The following TRPM2 variants were observed in gnomAD, a reference collection of about 807,000 sequenced individuals.
TRPM2 encodes the protein estrogen-responsive element-associated gene 1 protein.
Under a neutral mutation model 174.0 loss-of-function variants are expected in TRPM2, and 161 were observed. That is an observed-to-expected ratio of 0.93 (90% CI 0.81 to 1.05). TRPM2 has a LOEUF of 1.05. Ranked by LOEUF, TRPM2 falls within the 50% of genes least tolerant of loss-of-function variation. TRPM2 has a pLI of 0.00. For synonymous variants in TRPM2, 954 were observed against 861.3 expected (o/e 1.11, Z -1.88); for missense variants, 2,057 against 2,038.0 (o/e 1.01, Z -0.18).
intron 26 of TRPM2, 42 bp downstream of exon 26, chr21:44,426,778 C>T (rs775932354): frequency 3.1e-6 from 5 of 1,604,602 alleles, no homozygotes; most frequent in Admixed American, 3.3e-5. Flanking sequence ...TGGCCCCAAA[C>T]CCAGGGCCTC....
At chr21:44,381,735 C>T (rs1340557718) in intron 8 of TRPM2, among the ~76,000 whole-genome samples, 1 of 151,998 alleles carries the variant, frequency 6.6e-6, no homozygotes, top group African/African-American at 2.4e-5. Context: ...GGTGAAACCA[C>T]ATCTGTACTA....
intron 19 of TRPM2, among the ~76,000 whole-genome samples, chr21:44,410,505 GCGTAGACTTGTAGTAAGTTT>G (rs2050070909): frequency 4.5e-5 from 3 of 66,084 alleles, no homozygotes; most frequent in African/African-American, 4.2e-5. Flanking sequence ...CACTGTCTTG[GCGTAGACTTGTAGTAAGTTT>G]TGACCGCACT....
chr21:44,413,724 T>C (rs1342766073), intron 19 of TRPM2, among the ~76,000 whole-genome samples, 167 bp from the exon 20 acceptor site: 3 of 152,164 alleles, frequency 2.0e-5, no homozygotes, highest in African/African-American at 7.2e-5. Context: ...CAGATGCCTC[T>C]TTCTGGACTT....
In TRPM2 at chr21:44,425,792, C is replaced by G; in HGVS notation, c.3760C>G (p.Arg1254Gly). The change falls in exon 25 of 32, where the codon CGC becomes GGC. Residue 1254 changes from arginine (R) to glycine (G), a missense_variant. Physicochemically the swap from Arg to Gly is moderately radical, Grantham distance 125. Transcript: ENST00000397928. ...CCTCTACCCCAACTGCCCTGTCACG[C>G]GCTTCCCCGTGCCCAACGAGAAGGT... ...HLLYPNCPVT[R>G]FPVPNEKVPW... is the part of the protein sequence containing the mutation. 1.3e-6 allele frequency: 2 copies of G among 1,586,156 alleles called. No homozygotes were observed. The highest frequency in any genetic ancestry group is 1.7e-6 in the Non-Finnish European group (2 of 1,159,674).
rs765143616 is a variant in TRPM2, at chr21:44,413,820, C to T, written c.2963-71C>T. The stretch of plus-strand genomic sequence containing the variant: ...TGGCAGTGACTGGAGGCCTCGAGGG[C>T]CCCCTCCTGCCAAGCTCCTCTTGAC... On this transcript the variant is annotated intron_variant, in intron 19 of 31. Transcript: ENST00000397928. The T allele has an allele frequency of 4.5e-6, 7 of 1,539,572 alleles. No homozygotes were observed. In the South Asian group the frequency reaches 8.4e-5, roughly 19 times the overall value.
At chr21:44,426,849 A>G (rs1174662388) in intron 26 of TRPM2, 113 bp downstream of exon 26, 8 of 1,439,954 alleles carry the variant, frequency 5.6e-6, no homozygotes, top group Non-Finnish European at 7.7e-6. Context: ...GGTGAGCAGG[A>G]GGGGCCCGTG....
intron 13 of TRPM2, among the ~76,000 whole-genome samples, chr21:44,398,143 G>A (rs951278785): frequency 1.3e-5 from 2 of 152,080 alleles, no homozygotes; most frequent in African/African-American, 4.8e-5. Context: ...TTCACACAGA[G>A]CCGGCTGAAT....
chr21:44,412,564 C>T (rs907074390), intron 19 of TRPM2, among the ~76,000 whole-genome samples: 2 of 151,850 alleles, frequency 1.3e-5, no homozygotes, highest in East Asian at 1.9e-4. Flanking sequence ...GGTTTGTTGA[C>T]ATTCATTGTT....
chr21:44,433,434 C>T (rs948747285), intron 27 of TRPM2, among the ~76,000 whole-genome samples: 4 of 152,236 alleles, frequency 2.6e-5, no homozygotes, highest in African/African-American at 9.6e-5. Context: ...TGCAGCTCTG[C>T]CCAGTGCCGA....
intron 24 of TRPM2, chr21:44,425,162 C>G (rs1223873402): frequency 7.3e-6 from 4 of 547,266 alleles, no homozygotes; most frequent in Non-Finnish European, 9.8e-6. Context: ...GGTTCCTGGA[C>G]GTCCACGGGG....
At chr21:44,360,568 CTTTTT>C (rs34605236) in intron 2 of TRPM2, among the ~76,000 whole-genome samples, 1 of 130,560 alleles carries the variant, frequency 7.7e-6, no homozygotes. Flanking sequence ...AGTTTTATGT[CTTTTT>C]TTTTTTTTTT....
chr21:44,359,329 A>C (rs957400476), intron 2 of TRPM2, among the ~76,000 whole-genome samples: 1 of 152,082 alleles, frequency 6.6e-6, no homozygotes, highest in Non-Finnish European at 1.5e-5. Flanking sequence ...AGCTGGCTTC[A>C]CCTCTCAACA....
chr21:44,400,225 G>T (rs2049569462), intron 14 of TRPM2, 34 bp from the exon 15 acceptor site: 32 of 1,584,124 alleles, frequency 2.0e-5, no homozygotes, highest in Non-Finnish European at 2.6e-5. Flanking sequence ...CACAGGGCTG[G>T]GCACTGCCAT....
intron 9 of TRPM2, among the ~76,000 whole-genome samples, chr21:44,384,818 C>T (rs1180412672): frequency 6.6e-6 from 1 of 152,146 alleles, no homozygotes; most frequent in African/African-American, 2.4e-5. Context: ...AAAAATCTCC[C>T]CATAAAAGTT....
Position 44,425,734 on chromosome 21 carries a change from G to A in TRPM2, c.3702G>A (p.Pro1234=), listed in dbSNP as rs1012083788. 12 of 1,582,156 alleles carry A rather than the reference G, an allele frequency of 7.6e-6. No homozygotes were observed. Among genetic ancestry groups the A allele is most frequent in the East Asian group, 2.3e-5 (1 of 43,880 alleles). ...EPGGRKKTEE[P]GDSYHVNARH... ...GAGGCAGGAAGAAGACGGAGGAGCC[G>A]GGCGACAGCTACCACGTGAATGCCC... Residue 1234 remains proline (P), a synonymous_variant, in exon 25 of 32, where the codon CCG becomes CCA. Coordinates refer to ENST00000397928, the MANE Select transcript of TRPM2 (RefSeq NM_003307.4).
chr21:44,424,750 G>T (rs1337578951), intron 23 of TRPM2, 102 bp from the exon 24 acceptor site: 3 of 691,908 alleles, frequency 4.3e-6, no homozygotes, highest in Middle Eastern at 6.6e-4. Context: ...AGTGACAGGG[G>T]TGGGGCTCCT....
In TRPM2 at chr21:44,354,864, G is replaced by C; in HGVS notation, c.254+128G>C. On this transcript the variant is annotated intron_variant, in intron 2 of 31. Transcript: ENST00000397928. The surrounding 1 kb of genome is among the most constrained non-coding windows in gnomAD (Gnocchi z 4.3). ...ACTGGAGATACCTCTGTCTCCATAC[G>C]AGGCTTAGAGTCCACAGAGCATTTC... 1.3e-6 allele frequency: 1 copy of C among 793,256 alleles called. No homozygotes were observed. Among genetic ancestry groups the C allele is most frequent in the Non-Finnish European group, 2.2e-6 (1 of 463,562 alleles). 49.1% of individuals were successfully genotyped at this position (793,256 alleles called of 1,614,324 possible). A position where few individuals can be genotyped will look rare whatever the true frequency, so the allele number is the denominator to read the frequency against.
chr21:44,376,086 G>A lies in TRPM2; in HGVS notation c.952+73G>A, dbSNP rs1039204901. 1.0e-5 allele frequency: 16 copies of A among 1,543,672 alleles called. No individual in the cohort carries two copies. The Admixed American group carries it at 2.4e-4, about 23-fold the overall frequency. ...CTGGTCAGAGTGTCAGGTACAGCTG[G>A]TCACGACCAGGACGTTCAACAGGCC... On this transcript the variant is annotated intron_variant, in intron 6 of 31. Transcript: ENST00000397928. The surrounding 1 kb of genome is among the most constrained non-coding windows in gnomAD (Gnocchi z 4.2).
At chr21:44,433,245 A>G (rs1257131036) in intron 27 of TRPM2, among the ~76,000 whole-genome samples, 2 of 152,246 alleles carry the variant, frequency 1.3e-5, no homozygotes, top group East Asian at 3.9e-4. Context: ...AGATGACAGC[A>G]GGGCCCTGGG....
Sources: gnomAD v4.1 joint callset for allele counts (sites outside exome capture counted in the v4.1 genomes callset) on GRCh38, gnomAD v4.1.1 for gene constraint, Gnocchi (gnomAD v3.1) non-coding constraint, MANE v1.5 for transcripts, NCBI Gene and HGNC (gene_info 2026-07-23, HGNC 2026-07-21) for gene names.